ADORA1: variants seen among roughly 807,000 people sequenced by gnomAD.
The protein encoded by ADORA1 is adenosine A1 receptor, also known as adenosine receptor A1.
In ADORA1, 6 loss-of-function variants were observed where a neutral mutation model predicts 19.9. The observed-to-expected ratio is 0.30, with a 90% confidence interval of 0.17 to 0.59. ADORA1 has a LOEUF of 0.59. ADORA1 is among the 20% of genes least tolerant of loss of function. The pLI is 0.87. For missense variants in ADORA1, 302 were observed against 439.2 expected, an observed-to-expected ratio of 0.69 and a Z score of 2.79; for synonymous variants, 194 against 188.4, an observed-to-expected ratio of 1.03 and a Z score of -0.24.
chr1:203,158,647 C>G (rs1464999658), intron 3 of ADORA1, among the ~76,000 whole-genome samples: 1 of 152,158 alleles, frequency 6.6e-6, no homozygotes, highest in Non-Finnish European at 1.5e-5. Context: ...AGCAACAACC[C>G]CACTTCTGGT....
intron 3 of ADORA1, among the ~76,000 whole-genome samples, chr1:203,133,152 C>T (rs1047675219): frequency 2.7e-5 from 4 of 147,548 alleles, no homozygotes; most frequent in South Asian, 2.1e-4. Flanking sequence ...CTCATTCTGT[C>T]GCCCAGGCTG....
intron 3 of ADORA1, chr1:203,152,473 A>C (rs1571802263): frequency 6.6e-6 from 1 of 152,266 alleles, no homozygotes; most frequent in East Asian, 1.9e-4. Flanking sequence ...GGACCTTTCC[A>C]CTTCACTGGA....
intron 3 of ADORA1, among the ~76,000 whole-genome samples, chr1:203,132,277 G>C (rs1048187931): frequency 6.6e-6 from 1 of 152,136 alleles, no homozygotes; most frequent in African/African-American, 2.4e-5. Context: ...CTCACCCAGA[G>C]CTTTCTTGGT....
intron 3 of ADORA1, among the ~76,000 whole-genome samples, chr1:203,157,044 C>G (rs1356924932): frequency 6.6e-6 from 1 of 152,240 alleles, no homozygotes; most frequent in Non-Finnish European, 1.5e-5. Flanking sequence ...TCTGCCCTGG[C>G]CTTCAAAATT....
At position 203,165,178 on chromosome 1, in the gene ADORA1, C is replaced by G; in HGVS notation, c.342-83C>G. The G allele has an allele frequency of 6.3e-7, 1 of 1,598,632 alleles. No individual in the cohort carries two copies. The highest frequency in any genetic ancestry group is 8.5e-7 in the Non-Finnish European group (1 of 1,173,212). On this transcript the variant is annotated intron_variant, in intron 3 of 3. Coordinates refer to ENST00000337894, the MANE Select transcript of ADORA1 (RefSeq NM_000674.3). The surrounding 1 kb of genome is among the most constrained non-coding windows in gnomAD (Gnocchi z 5.9). ...AGAGGAGGGTGCTCCTCTTAGAGGC[C>G]CCTGGAGGCCAGGCGTGCCTCAGAG...
At chr1:203,136,323 C>A (rs1327872939) in intron 3 of ADORA1, among the ~76,000 whole-genome samples, 1 of 152,112 alleles carries the variant, frequency 6.6e-6, no homozygotes, top group African/African-American at 2.4e-5. Context: ...GAGATGGGGG[C>A]AGCTGGCAAG....
rs1655508385 is a variant in ADORA1, at chr1:203,165,351, T to C, written c.432T>C (p.Phe144=). 1.3e-6 allele frequency: 2 copies of C among 1,584,070 alleles called. No homozygotes were observed. The highest frequency in any genetic ancestry group is 4.5e-5 in the East Asian group (2 of 44,600). Residue 144 remains phenylalanine, a synonymous_variant, in exon 4 of 4, where the codon TTT becomes TTC. Coordinates refer to ENST00000337894, the MANE Select transcript of ADORA1 (RefSeq NM_000674.3). The surrounding 1 kb of genome is among the most constrained non-coding windows in gnomAD (Gnocchi z 5.9). ...LSFVVGLTPM[F]GWNNLSAVER... The stretch of plus-strand genomic sequence containing the variant: ...TCGTGGTGGGACTGACCCCTATGTT[T>C]GGCTGGAACAATCTGAGTGCGGTGG...
Position 203,128,247 on chromosome 1 carries a change from G to A in ADORA1, c.-212-31G>A. 8.9e-7 allele frequency: 1 copy of A among 1,127,040 alleles called. No individual in the cohort carries two copies. The highest frequency in any genetic ancestry group is 1.4e-5 in the South Asian group (1 of 71,666). The allele number at this position is 1,127,040 out of a possible 1,614,324, so 69.8% of individuals were successfully genotyped here. A position where few individuals can be genotyped will look rare whatever the true frequency, so the allele number is the denominator to read the frequency against. On this transcript the variant is annotated intron_variant, in intron 1 of 3. Transcript: ENST00000337894. The surrounding 1 kb of genome is among the most constrained non-coding windows in gnomAD (Gnocchi z 5.9). ...CCTCTTTAAAAGCGTCCGGGGCTGA[G>A]TCTCTGCCGTACCATGTGATTGCTT...
At chr1:203,147,331 G>A (rs966547678) in intron 3 of ADORA1, among the ~76,000 whole-genome samples, 2 of 152,046 alleles carry the variant, frequency 1.3e-5, no homozygotes, top group Non-Finnish European at 2.9e-5. Context: ...TCCTCGTATC[G>A]GGGGAGGTGG....
intron 3 of ADORA1, among the ~76,000 whole-genome samples, chr1:203,143,454 G>A (rs143673732): frequency 4.9e-4 from 74 of 152,334 alleles, no homozygotes; most frequent in African/African-American, 1.7e-3. Context: ...ACAGTCAGGT[G>A]TGAAGGCATG....
intron 3 of ADORA1, among the ~76,000 whole-genome samples, chr1:203,144,536 C>T (rs189066185): frequency 6.6e-6 from 1 of 152,200 alleles, no homozygotes; most frequent in East Asian, 1.9e-4. Context: ...ATGAGGGAGC[C>T]GAGGCTCAGA....
chr1:203,156,151 C>A (rs568321648), intron 3 of ADORA1, among the ~76,000 whole-genome samples: 1 of 152,128 alleles, frequency 6.6e-6, no homozygotes, highest in African/African-American at 2.4e-5. Context: ...TTCTGTCCTA[C>A]TGGGGCTTAC....
chr1:203,135,262 C>T (rs1654468805), intron 3 of ADORA1, among the ~76,000 whole-genome samples: 1 of 152,220 alleles, frequency 6.6e-6, no homozygotes, highest in African/African-American at 2.4e-5. Flanking sequence ...TTTATTTATG[C>T]ATTCTTATAT....
intron 3 of ADORA1, among the ~76,000 whole-genome samples, chr1:203,154,435 A>G (rs1655131283): frequency 6.6e-6 from 1 of 152,216 alleles, no homozygotes; most frequent in Non-Finnish European, 1.5e-5. Context: ...GAAGCAGCCG[A>G]GACACAAACA....
chr1:203,144,272 G>A (rs183706512), intron 3 of ADORA1, among the ~76,000 whole-genome samples: 37 of 152,186 alleles, frequency 2.4e-4, no homozygotes, highest in Admixed American at 4.6e-4. Context: ...TTGCACTGGC[G>A]TGTGAGCAAT....
chr1:203,159,394 C>T (rs1292692141), intron 3 of ADORA1, among the ~76,000 whole-genome samples: 2 of 152,188 alleles, frequency 1.3e-5, no homozygotes, highest in African/African-American at 4.8e-5. Flanking sequence ...CTGACTGAGC[C>T]GGCCTCTCTC....
rs769215818 is a variant in ADORA1, at chr1:203,165,129, C to T, written c.342-132C>T. 4 of 1,557,484 alleles carry T rather than the reference C, an allele frequency of 2.6e-6. No homozygotes were observed. Among genetic ancestry groups the T allele is most frequent in the African/African-American group, 1.4e-5 (1 of 73,270 alleles). ...TCAGCCCTCGAGCAAAAGACATGCACCTCCCCACTCACCGGGCCCTGGAAG... is the reference window on the plus strand; with the variant it reads ...TCAGCCCTCGAGCAAAAGACATGCATCTCCCCACTCACCGGGCCCTGGAAG... On this transcript the variant is annotated intron_variant, in intron 3 of 3. Transcript: ENST00000337894. This position sits in a 1 kb window ranked among gnomAD's most constrained non-coding sequence, Gnocchi z 5.9.
At position 203,165,568 on chromosome 1, in the gene ADORA1, G is replaced by C; in HGVS notation, c.649G>C (p.Ala217Pro). The C allele has an allele frequency of 6.2e-7, 1 of 1,613,898 alleles. No individual in the cohort carries two copies. Among genetic ancestry groups the C allele is most frequent in the Non-Finnish European group, 8.5e-7 (1 of 1,179,860 alleles). The stretch of plus-strand genomic sequence containing the variant: ...CAAGCAGCTCAACAAGAAGGTGTCG[G>C]CCTCCTCCGGCGACCCGCAGAAGTA... ...IRKQLNKKVSASSGDPQKYYG... is the reference protein window; with the variant it reads ...IRKQLNKKVSPSSGDPQKYYG... Residue 217 changes from alanine to proline, a missense_variant, in exon 4 of 4, where the codon GCC becomes CCC. Coordinates refer to ENST00000337894, the MANE Select transcript of ADORA1 (RefSeq NM_000674.3). The surrounding 1 kb of genome is among the most constrained non-coding windows in gnomAD (Gnocchi z 5.9).
chr1:203,164,709 G>A (rs1332454615), intron 3 of ADORA1, among the ~76,000 whole-genome samples: 1 of 152,194 alleles, frequency 6.6e-6, no homozygotes, highest in African/African-American at 2.4e-5. Context: ...TGTGTCTGCT[G>A]GCCCAAGAGA....
Sources: allele counts gnomAD v4.1 joint callset (sites outside exome capture counted in the v4.1 genomes callset), GRCh38; gene constraint gnomAD v4.1.1; non-coding constraint Gnocchi (gnomAD v3.1); transcripts MANE v1.5; gene names NCBI Gene and HGNC (gene_info 2026-07-23, HGNC 2026-07-21).